Variants in SULT2B1 observed in about 807,000 individuals in gnomAD.
SULT2B1 encodes sulfotransferase 2B1.
Under a neutral mutation model 33.2 loss-of-function variants are expected in SULT2B1, and 16 were observed. The observed-to-expected ratio is 0.48, with a 90% CI of 0.33 to 0.73. The LOEUF (loss-of-function observed/expected upper bound fraction) is 0.73. Among genes scored for constraint, SULT2B1 ranks in the 30% least tolerant of loss-of-function variants. SULT2B1 has a pLI of 0.02. For missense variants in SULT2B1, 500 were observed against 506.0 expected (o/e 0.99, Z 0.11); for synonymous variants, 186 against 200.5 (o/e 0.93, Z 0.61).
chr19:48,577,587 A>T, intron 2 of SULT2B1, among the ~76,000 whole-genome samples: 1 of 151,418 alleles, frequency 6.6e-6, no homozygotes. Flanking sequence ...GATGGTCTTG[A>T]TCTCTTGACC....
At chr19:48,592,920 G>A (rs1973662721) in intron 5 of SULT2B1, 104 bp downstream of exon 5, 9 of 958,212 alleles carry the variant, frequency 9.4e-6, no homozygotes, top group Admixed American at 2.1e-5. Context: ...GCTTCCCCAT[G>A]CAATGCGCCA....
chr19:48,587,086 T>G, intron 2 of SULT2B1, 143 bp from the exon 3 acceptor site: 1 of 611,090 alleles, frequency 1.6e-6, no homozygotes. Flanking sequence ...CACTCCAGCG[T>G]GGGCAACAGA....
At position 48,572,242 on chromosome 19, in the gene SULT2B1, C is replaced by T. The variant is rs145071871; in HGVS notation, c.72-3699C>T. 5.5e-3 allele frequency among the ~76,000 whole-genome samples: 831 copies of T among 152,184 alleles called. 5 individuals carry two copies. The highest frequency in any genetic ancestry group is 0.01 in the Middle Eastern group (3 of 292). ...TAGAGGGTGACATCTGTGCTGGGAG[C>T]GGTGGCTCATGCCTGTAATCCCAGC... On this transcript the variant is annotated intron_variant, in intron 1 of 6. Transcript: ENST00000201586.
rs1448557828 is a variant in SULT2B1 at position 48,570,956 on chromosome 19, T to G, written c.72-4985T>G. 3.3e-5 allele frequency among the ~76,000 whole-genome samples: 5 copies of G among 152,046 alleles called. No homozygotes were observed. The South Asian group carries it at 6.2e-4, about 19-fold the overall frequency. ...CCAGGATGGTCTCGATCTCCTGACC[T>G]CAGGTGATCCGCCCACCTCAGCCTC... On this transcript the variant is annotated intron_variant, in intron 1 of 6. Coordinates refer to ENST00000201586, the MANE Select transcript of SULT2B1 (RefSeq NM_177973.2).
At chr19:48,555,068 C>T (rs933178988) in intron 1 of SULT2B1, among the ~76,000 whole-genome samples, 6 of 151,988 alleles carry the variant, frequency 3.9e-5, no homozygotes, top group African/African-American at 1.2e-4. Flanking sequence ...ATGACAGGCG[C>T]GTGCCACTGC....
At chr19:48,598,988 A>G in intron 6 of SULT2B1, 147 bp from the exon 7 acceptor site, 1 of 1,383,152 alleles carries the variant, frequency 7.2e-7, no homozygotes, top group Non-Finnish European at 9.6e-7. Flanking sequence ...CAAAGGGGGC[A>G]ATGTGGAGGG....
rs984275977 is a variant in SULT2B1, at chr19:48,568,462, G to A, written c.72-7479G>A. Among the ~76,000 whole-genome samples, 27 of 152,012 alleles carry A rather than the reference G, an allele frequency of 1.8e-4. 1 individual carries two copies. The highest frequency in any genetic ancestry group is 1.5e-3 in the Admixed American group (23 of 15,218). ...TTGAATCCTGTAAATGTTCCCAAACGATCTCCCTAAGAGGTTATGCCAGTC... is the reference window on the plus strand; with the variant it reads ...TTGAATCCTGTAAATGTTCCCAAACAATCTCCCTAAGAGGTTATGCCAGTC... On this transcript the variant is annotated intron_variant, in intron 1 of 6. Coordinates refer to ENST00000201586, the MANE Select transcript of SULT2B1 (RefSeq NM_177973.2).
chr19:48,561,448 G>A (rs12974007), intron 1 of SULT2B1, among the ~76,000 whole-genome samples: 30 of 126,126 alleles, frequency 2.4e-4, no homozygotes, highest in Non-Finnish European at 3.7e-4. Flanking sequence ...TAAATAAATA[G>A]ATAGATAAAA....
chr19:48,574,840 T>G (rs1366721585), intron 1 of SULT2B1, among the ~76,000 whole-genome samples: 1 of 152,144 alleles, frequency 6.6e-6, no homozygotes, highest in Non-Finnish European at 1.5e-5. Context: ...GCCTGCCCAC[T>G]GGACTAAATT....
At chr19:48,584,398 G>A (rs546986035) in intron 2 of SULT2B1, among the ~76,000 whole-genome samples, 1 of 152,276 alleles carries the variant, frequency 6.6e-6, no homozygotes, top group African/African-American at 2.4e-5. Flanking sequence ...ACAAGATCCC[G>A]CTAAGAGGAG....
intron 6 of SULT2B1, among the ~76,000 whole-genome samples, chr19:48,598,463 G>A (rs971100434): frequency 2.0e-5 from 3 of 152,038 alleles, no homozygotes; most frequent in Non-Finnish European, 2.9e-5. Context: ...GTGGTGGTGC[G>A]TGCCTGTAAT....
intron 3 of SULT2B1, among the ~76,000 whole-genome samples, chr19:48,587,741 A>C (rs1973585624): frequency 6.6e-6 from 1 of 151,584 alleles, no homozygotes; most frequent in South Asian, 2.1e-4. Flanking sequence ...GAAATTTTAA[A>C]AATCAGTCAG....
Position 48,587,220 on chromosome 19 carries a change from T to G in SULT2B1, c.215-9T>G, listed in dbSNP as rs1973574027. ...ACACCCAATTAATCTGCTCGATTTCTCCCAACAGGCACGACCTGGATGATC... is the reference window on the plus strand; with the variant it reads ...ACACCCAATTAATCTGCTCGATTTCGCCCAACAGGCACGACCTGGATGATC... On this transcript the variant is annotated splice_polypyrimidine_tract_variant and intron_variant, in intron 2 of 6. Transcript: ENST00000201586. 1 of 1,600,894 alleles carries G rather than the reference T, an allele frequency of 6.2e-7. No individual in the cohort carries two copies. The highest frequency in any genetic ancestry group is 8.5e-7 in the Non-Finnish European group (1 of 1,172,046).
At chr19:48,579,605 C>CTTTCTTTTTTTTTTT (rs71179013) in intron 2 of SULT2B1, among the ~76,000 whole-genome samples, 1 of 79,736 alleles carries the variant, frequency 1.3e-5, no homozygotes, top group African/African-American at 5.0e-5. Context: ...TTCTTTCTTT[C>CTTTCTTTTTTTTTTT]TTTTTTTTTT....
In SULT2B1 at chr19:48,552,304, G is replaced by A; in HGVS notation, c.52G>A (p.Asp18Asn). 1 of 1,613,958 alleles carries A rather than the reference G, an allele frequency of 6.2e-7. No homozygotes were observed. Among genetic ancestry groups the A allele is most frequent in the Non-Finnish European group, 8.5e-7 (1 of 1,179,878 alleles). ...QIPGLWDTYE[D>N]DISEISQKLP... is the part of the protein sequence containing the mutation. ...CCCGGGCTTGTGGGACACCTATGAA[G>A]ATGACATCTCGGAAATCAGGTGAGG... The change falls in exon 1 of 7, where the codon GAT becomes AAT. Residue 18 changes from aspartate (D) to asparagine (N), a missense_variant. Asp to Asn is a conservative substitution (Grantham distance 23). Transcript: ENST00000201586. The surrounding 1 kb of genome is among the most constrained non-coding windows in gnomAD (Gnocchi z 4.8).
chr19:48,573,648 GTCT>G (rs1467722933), intron 1 of SULT2B1, among the ~76,000 whole-genome samples: 1 of 152,008 alleles, frequency 6.6e-6, no homozygotes, highest in Non-Finnish European at 1.5e-5. Flanking sequence ...GCATTTGGAG[GTCT>G]TGGCTGGACT....
At chr19:48,555,757 G>A (rs1396109751) in intron 1 of SULT2B1, among the ~76,000 whole-genome samples, 1 of 146,524 alleles carries the variant, frequency 6.8e-6, no homozygotes, top group Non-Finnish European at 1.5e-5. Flanking sequence ...GTTTTTTTTT[G>A]GAGATGGAGT....
At chr19:48,586,129 G>A (rs1973558870) in intron 2 of SULT2B1, among the ~76,000 whole-genome samples, 2 of 152,278 alleles carry the variant, frequency 1.3e-5, no homozygotes, top group African/African-American at 4.8e-5. Flanking sequence ...GGCTGAGGCA[G>A]GAGGATCTCT....
chr19:48,593,072 G>A (rs1001958107), intron 5 of SULT2B1, among the ~76,000 whole-genome samples: 1 of 152,194 alleles, frequency 6.6e-6, no homozygotes, highest in African/African-American at 2.4e-5. Flanking sequence ...ATAAGGAATG[G>A]TCAGGGGCGA....
Sources: allele counts gnomAD v4.1 joint callset (sites outside exome capture counted in the v4.1 genomes callset), GRCh38; gene constraint gnomAD v4.1.1; non-coding constraint Gnocchi (gnomAD v3.1); transcripts MANE v1.5; gene names NCBI Gene and HGNC (gene_info 2026-07-23, HGNC 2026-07-21).